LNPK: variants seen among roughly 807,000 people sequenced by gnomAD.
The protein encoded by LNPK is endoplasmic reticulum junction formation protein lunapark.
In LNPK, 29 loss-of-function variants were observed where a neutral mutation model predicts 55.2. The observed-to-expected ratio is 0.53, with a 90% CI of 0.39 to 0.72. The LOEUF (loss-of-function observed/expected upper bound fraction) is 0.72, where lower values mean the gene tolerates loss of function less well. Among genes scored for constraint, LNPK ranks in the 30% least tolerant of loss-of-function variants. The probability of loss-of-function intolerance (pLI) is 0.00; values close to 1 mark genes in which losing one functional copy is unlikely to be tolerated. For synonymous variants in LNPK, 162 were observed against 168.2 expected (o/e 0.96, Z 0.29); for missense variants, 467 against 494.8 (o/e 0.94, Z 0.53).
At chr2:175,999,681 C>T (rs1688089341) in intron 1 of LNPK, among the ~76,000 whole-genome samples, 3 of 152,188 alleles carry the variant, frequency 2.0e-5, no homozygotes, top group Admixed American at 2.0e-4. Flanking sequence ...CTCCCATGAA[C>T]ATGTACAGAG....
In LNPK at chr2:175,992,393, C is replaced by G. The variant is rs1259538839; in HGVS notation, c.95G>C (p.Arg32Thr). 1 of 1,506,046 alleles carries G rather than the reference C, an allele frequency of 6.6e-7. No homozygotes were observed. The highest frequency in any genetic ancestry group is 1.4e-5 in the South Asian group (1 of 72,136). 93.3% of individuals were successfully genotyped at this position (1,506,046 alleles called of 1,614,324 possible). Residue 32 changes from arginine to threonine, a missense_variant, in exon 4 of 13, where the codon AGG becomes ACG. Transcript: ENST00000272748. ...DKEIQALEEFREKNQRLQKLW... is the reference protein window; with the variant it reads ...DKEIQALEEFTEKNQRLQKLW... Reference sequence around the variant, plus strand: ...TTTTTGTAATCTCTGATTTTTTTCCCTAAATTCTTCCAATGCTTGAATTTC... The same window carrying G: ...TTTTTGTAATCTCTGATTTTTTTCCGTAAATTCTTCCAATGCTTGAATTTC...
At chr2:175,967,636 C>CT in intron 6 of LNPK, 1 of 984,718 alleles carries the variant, frequency 1.0e-6, no homozygotes, top group African/African-American at 1.7e-5. Context: ...TAAACTCATC[C>CT]TTTTATCATG....
At chr2:175,982,662 T>C (rs1687227268) in intron 4 of LNPK, among the ~76,000 whole-genome samples, 1 of 152,202 alleles carries the variant, frequency 6.6e-6, no homozygotes, top group South Asian at 2.1e-4. Context: ...CCCAAAGCAC[T>C]GGGATTACAG....
intron 1 of LNPK, among the ~76,000 whole-genome samples, chr2:175,998,505 A>G (rs1431229005): frequency 2.6e-5 from 4 of 152,056 alleles, no homozygotes; most frequent in Admixed American, 2.6e-4. Context: ...GCCAAACATA[A>G]TATTTTAGTT....
intron 12 of LNPK, among the ~76,000 whole-genome samples, chr2:175,936,695 T>G (rs1684560855): frequency 6.6e-6 from 1 of 152,132 alleles, no homozygotes; most frequent in Admixed American, 6.6e-5. Flanking sequence ...TTCATGAAAC[T>G]TCCTCAAGAA....
chr2:175,996,800 G>A (rs1174842108), intron 1 of LNPK, among the ~76,000 whole-genome samples: 1 of 152,094 alleles, frequency 6.6e-6, no homozygotes, highest in Non-Finnish European at 1.5e-5. Flanking sequence ...ACTCTCGAAT[G>A]TTTTATAATA....
intron 4 of LNPK, among the ~76,000 whole-genome samples, chr2:175,989,384 C>T (rs1012163971): frequency 2.0e-5 from 3 of 152,112 alleles, no homozygotes; most frequent in African/African-American, 7.2e-5. Context: ...TGGCTAACTC[C>T]TCAATATCTT....
chr2:175,984,472 C>T (rs1574889096), intron 4 of LNPK, among the ~76,000 whole-genome samples: 1 of 152,032 alleles, frequency 6.6e-6, no homozygotes, highest in East Asian at 1.9e-4. Context: ...CTGCACCCGG[C>T]CAGAACTTTT....
At chr2:176,002,268 A>G (rs1161651236), upstream of LNPK, 2 of 448,320 alleles carry the variant, frequency 4.5e-6, no homozygotes, top group Non-Finnish European at 8.9e-6. Flanking sequence ...ACAGAGAGAC[A>G]AGCCGGGCCA....
At chr2:175,995,042 C>G (rs924697221) in intron 2 of LNPK, among the ~76,000 whole-genome samples, 2 of 151,300 alleles carry the variant, frequency 1.3e-5, no homozygotes, top group East Asian at 3.9e-4. Flanking sequence ...CTGTCTCAGC[C>G]TCCCGAGTAG....
At chr2:175,952,049 A>G (rs975907042) in intron 8 of LNPK, among the ~76,000 whole-genome samples, 1 of 149,942 alleles carries the variant, frequency 6.7e-6, no homozygotes, top group African/African-American at 2.5e-5. Context: ...AGAATTGTCT[A>G]TTCATGTTCT....
In LNPK at chr2:175,926,333, A is replaced by G. The variant is rs1354943253; in HGVS notation, c.*3634T>C. The G allele has an allele frequency of 1.3e-5, 2 of 152,240 alleles. No homozygotes were observed. The highest frequency in any genetic ancestry group is 2.9e-5 in the Non-Finnish European group (2 of 68,084). The allele number at this position is 152,240 out of a possible 1,614,324, so 9.4% of individuals were successfully genotyped here. ...CCTCATGAATGGATTAATGCTCATTATAAAAGAGCTTGAGGTTGCAACTTC... is the reference window on the plus strand; with the variant it reads ...CCTCATGAATGGATTAATGCTCATTGTAAAAGAGCTTGAGGTTGCAACTTC... On this transcript the variant is annotated 3_prime_UTR_variant, in exon 13 of 13. Transcript: ENST00000272748.
chr2:175,984,408 T>TCATGATCTGCCCGCCTC (rs889205181), intron 4 of LNPK, among the ~76,000 whole-genome samples: 2 of 152,062 alleles, frequency 1.3e-5, no homozygotes, highest in African/African-American at 4.8e-5. Context: ...ACTCCTGACT[T>TCATGATCTGCCCGCCTC]CATGATCTGC....
intron 8 of LNPK, among the ~76,000 whole-genome samples, chr2:175,953,558 T>A (rs1685526225): frequency 6.6e-6 from 1 of 151,936 alleles, no homozygotes; most frequent in Non-Finnish European, 1.5e-5. Flanking sequence ...TGATTCTTCC[T>A]CCCACCCCCA....
intron 2 of LNPK, chr2:175,994,280 C>T (rs934937032): frequency 5.1e-6 from 5 of 978,156 alleles, no homozygotes; most frequent in Non-Finnish European, 6.1e-6. Flanking sequence ...TATGGTTCAA[C>T]CTATTATGAA....
At chr2:175,974,180 T>TA (rs1414187594) in intron 5 of LNPK, among the ~76,000 whole-genome samples, 1 of 152,220 alleles carries the variant, frequency 6.6e-6, no homozygotes, top group African/African-American at 2.4e-5. Context: ...CGTCATTGCA[T>TA]AAAAAATACA....
Position 175,924,439 on chromosome 2 carries a change from T to C in LNPK, c.*5528A>G, listed in dbSNP as rs1178592307. ...TCCACTGGAAATAAAAGTAGACTTA[T>C]AAGGTCTTATTTTTTAAATGAAACT... On this transcript the variant is annotated 3_prime_UTR_variant, in exon 13 of 13. Transcript: ENST00000272748. The C allele has an allele frequency of 6.6e-6, 1 of 152,200 alleles. No homozygotes were observed. Among genetic ancestry groups the C allele is most frequent in the Non-Finnish European group, 1.5e-5 (1 of 68,024 alleles). 9.4% of individuals were successfully genotyped at this position (152,200 alleles called of 1,614,324 possible). A position where few individuals can be genotyped will look rare whatever the true frequency, so the allele number is the denominator to read the frequency against.
At chr2:175,995,691 C>A (rs1333770488) in intron 1 of LNPK, 45 bp from the exon 2 acceptor site, 1 of 888,670 alleles carries the variant, frequency 1.1e-6, no homozygotes, top group Admixed American at 1.9e-5. Context: ...AAACACACAG[C>A]ATACCCACTA....
At chr2:175,932,056 A>C in intron 12 of LNPK, 1 of 392,906 alleles carries the variant, frequency 2.5e-6, no homozygotes, top group Non-Finnish European at 5.1e-6. Flanking sequence ...AAATGAAAAA[A>C]CAAAAAGCTA....
Sources: gnomAD v4.1 joint callset for allele counts (sites outside exome capture counted in the v4.1 genomes callset) on GRCh38, gnomAD v4.1.1 for gene constraint, MANE v1.5 for transcripts, NCBI Gene and HGNC (gene_info 2026-07-23, HGNC 2026-07-21) for gene names.